The following SH2B3 variants were observed in gnomAD, a reference collection of about 807,000 sequenced individuals.
SH2B3 encodes the protein SH2B adapter protein 3.
SH2B3 carries 43 observed loss-of-function variants against 51.9 expected under a neutral mutation model. That is an observed-to-expected ratio of 0.83 (90% CI 0.65 to 1.07). The LOEUF is 1.07. Ranked by LOEUF, SH2B3 falls within the 50% of genes least tolerant of loss-of-function variation. The pLI is 0.00. For missense variants in SH2B3, 952 were observed against 834.3 expected, an observed-to-expected ratio of 1.14 and a Z score of -1.74; for synonymous variants, 396 against 376.0, an observed-to-expected ratio of 1.05 and a Z score of -0.62.
In SH2B3 at chr12:111,409,911, C is replaced by T. The variant is rs1037960726; in HGVS notation, c.-28+3634C>T. On this transcript the variant is annotated intron_variant, in intron 1 of 7. Transcript: ENST00000341259. The surrounding 1 kb of genome is among the most constrained non-coding windows in gnomAD (Gnocchi z 4.0). Reference sequence around the variant, plus strand: ...GGTGCCCCCCCACTCCCCGCCCCAGCCGGAAACCCGGCAGCTGAGCAGTTA... The same window carrying T: ...GGTGCCCCCCCACTCCCCGCCCCAGTCGGAAACCCGGCAGCTGAGCAGTTA... Among the ~76,000 whole-genome samples, 2 of 152,230 alleles carry T rather than the reference C, an allele frequency of 1.3e-5. No homozygotes were observed. The highest frequency in any genetic ancestry group is 1.3e-4 in the Admixed American group (2 of 15,288).
At position 111,447,803 on chromosome 12, in the gene SH2B3, G is replaced by A. The variant is rs577495609; in HGVS notation, c.1384G>A (p.Val462Met). The A allele has an allele frequency of 5.6e-6, 9 of 1,614,050 alleles. No individual in the cohort carries two copies. Among genetic ancestry groups the A allele is most frequent in the African/African-American group, 4.0e-5 (3 of 75,052 alleles). Residue 462 changes from valine to methionine, a missense_variant, in exon 7 of 8, where the codon GTG becomes ATG. Transcript: ENST00000341259. ...AACDVRLSSY[V>M]VVVSQPPGSC... ...CTGTGATGTCCGGCTCTCCAGCTACGTGGTAGTCGTCTCCCAACCACCAGG... is the reference window on the plus strand; with the variant it reads ...CTGTGATGTCCGGCTCTCCAGCTACATGGTAGTCGTCTCCCAACCACCAGG...
intron 2 of SH2B3, among the ~76,000 whole-genome samples, chr12:111,422,630 G>A (rs111934672): frequency 4.0e-5 from 6 of 150,736 alleles, no homozygotes; most frequent in African/African-American, 7.3e-5. Flanking sequence ...GCGCAATCTC[G>A]GCTCACTGCA....
chr12:111,426,348 A>C (rs1203167894), intron 2 of SH2B3, among the ~76,000 whole-genome samples: 2 of 150,558 alleles, frequency 1.3e-5, no homozygotes, highest in African/African-American at 4.9e-5. Context: ...TCTATGACCC[A>C]CCTTGAGGAA....
chr12:111,428,819 C>T (rs1026007407), intron 2 of SH2B3, among the ~76,000 whole-genome samples: 4 of 152,104 alleles, frequency 2.6e-5, no homozygotes, highest in African/African-American at 9.7e-5. Context: ...GTGATTCTTC[C>T]AGGTGGCACC....
At chr12:111,423,707 G>A (rs1344028038) in intron 2 of SH2B3, among the ~76,000 whole-genome samples, 12 of 152,206 alleles carry the variant, frequency 7.9e-5, no homozygotes, top group Admixed American at 7.8e-4. Context: ...CAGTGGCTGG[G>A]CGCAGTGGCT....
Position 111,435,757 on chromosome 12 carries a change from T to C in SH2B3, c.733-10996T>C, listed in dbSNP as rs1038288011. ...TGGCACTCGTGGTTTGGGGCGTCCA[T>C]GGCCTTGTGGTGGCGAGGCGCAGAA... On this transcript the variant is annotated intron_variant, in intron 2 of 7. Coordinates refer to ENST00000341259, the MANE Select transcript of SH2B3 (RefSeq NM_005475.3). The surrounding 1 kb of genome is among the most constrained non-coding windows in gnomAD (Gnocchi z 4.8). 2.0e-5 allele frequency among the ~76,000 whole-genome samples: 3 copies of C among 152,156 alleles called. No homozygotes were observed. The highest frequency in any genetic ancestry group is 7.2e-5 in the African/African-American group (3 of 41,426).
intron 1 of SH2B3, among the ~76,000 whole-genome samples, chr12:111,408,589 C>G (rs1212425897): frequency 6.6e-6 from 1 of 152,194 alleles, no homozygotes; most frequent in Non-Finnish European, 1.5e-5. Flanking sequence ...GAGGGACCTC[C>G]TCGCTGCCAG....
At chr12:111,417,859 C>T (rs1030692810) in intron 1 of SH2B3, among the ~76,000 whole-genome samples, 1 of 152,176 alleles carries the variant, frequency 6.6e-6, no homozygotes, top group African/African-American at 2.4e-5. Context: ...CAAATACTCT[C>T]TCTGCATCTA....
intron 2 of SH2B3, among the ~76,000 whole-genome samples, chr12:111,423,392 C>A (rs909457640): frequency 1.2e-4 from 18 of 151,924 alleles, no homozygotes; most frequent in African/African-American, 4.4e-4. Flanking sequence ...TTTTTTGAGA[C>A]AGAGTCTTGC....
rs1416111480 is a variant in SH2B3, at chr12:111,451,446, A to G, written c.*3144A>G. ...GACATCCTGTGTTTGGTTAGAATAT[A>G]CAGCACATTGTGATAACATAAAGTG... On this transcript the variant is annotated 3_prime_UTR_variant, in exon 8 of 8. Coordinates refer to ENST00000341259, the MANE Select transcript of SH2B3 (RefSeq NM_005475.3). 6.5e-6 allele frequency: 1 copy of G among 152,696 alleles called. No individual in the cohort carries two copies. Among genetic ancestry groups the G allele is most frequent in the Non-Finnish European group, 1.5e-5 (1 of 68,052 alleles). 9.5% of individuals were successfully genotyped at this position (152,696 alleles called of 1,614,324 possible). A position where few individuals can be genotyped will look rare whatever the true frequency, so the allele number is the denominator to read the frequency against.
chr12:111,436,424 A>G (rs1482459660), intron 2 of SH2B3, among the ~76,000 whole-genome samples: 1 of 152,064 alleles, frequency 6.6e-6, no homozygotes, highest in Non-Finnish European at 1.5e-5. Context: ...CTCATAAGCC[A>G]CTGTCCCCAG....
chr12:111,418,617 C>G lies in SH2B3; in HGVS notation c.472C>G (p.His158Asp). 1 of 1,481,540 alleles carries G rather than the reference C, an allele frequency of 6.7e-7. No individual in the cohort carries two copies. The highest frequency in any genetic ancestry group is 2.9e-5 in the East Asian group (1 of 34,590). The allele number at this position is 1,481,540 out of a possible 1,614,324, so 91.8% of individuals were successfully genotyped here. A position where few individuals can be genotyped will look rare whatever the true frequency, so the allele number is the denominator to read the frequency against. ...RRSAGELPAA[H>D]TAAAPGTPGE... Reference sequence around the variant, plus strand: ...CTCGGCCGGGGAGCTGCCAGCGGCCCACACCGCTGCCGCCCCCGGGACCCC... The same window carrying G: ...CTCGGCCGGGGAGCTGCCAGCGGCCGACACCGCTGCCGCCCCCGGGACCCC... Residue 158 changes from histidine to aspartate, a missense_variant, in exon 2 of 8, where the codon CAC (histidine) becomes GAC (aspartate). By Grantham distance (81) the His-to-Asp change is moderately conservative. Transcript: ENST00000341259. The surrounding 1 kb of genome is among the most constrained non-coding windows in gnomAD (Gnocchi z 6.7).
intron 1 of SH2B3, among the ~76,000 whole-genome samples, chr12:111,416,145 T>G (rs564938521): frequency 1.1e-4 from 16 of 152,100 alleles, no homozygotes; most frequent in African/African-American, 3.9e-4. Context: ...GGTTTCACCG[T>G]GTTAGCCAGG....
At chr12:111,426,341 A>G (rs1374501064) in intron 2 of SH2B3, among the ~76,000 whole-genome samples, 2 of 150,632 alleles carry the variant, frequency 1.3e-5, no homozygotes, top group Admixed American at 6.6e-5. Context: ...TCTAGATTCT[A>G]TGACCCACCT....
chr12:111,440,340 T>C (rs1468039987), intron 2 of SH2B3, among the ~76,000 whole-genome samples: 1 of 152,266 alleles, frequency 6.6e-6, no homozygotes, highest in Non-Finnish European at 1.5e-5. Context: ...TAAATCTCAC[T>C]GTCCATGATG....
In SH2B3 at chr12:111,429,042, G is replaced by C. The variant is rs1158910742; in HGVS notation, c.732+10165G>C. On this transcript the variant is annotated intron_variant, in intron 2 of 7. Transcript: ENST00000341259. This position sits in a 1 kb window ranked among gnomAD's most constrained non-coding sequence, Gnocchi z 4.4. Reference sequence around the variant, plus strand: ...AGGAGGAGGAGGAGGAGGAGGAGGAGGAGGAAGAGGAGGAGGAGGAGGAGG... The same window carrying C: ...AGGAGGAGGAGGAGGAGGAGGAGGACGAGGAAGAGGAGGAGGAGGAGGAGG... Among the ~76,000 whole-genome samples the C allele has an allele frequency of 6.8e-6, 1 of 147,860 alleles. No homozygotes were observed. The highest frequency in any genetic ancestry group is 1.5e-5 in the Non-Finnish European group (1 of 66,210).
In SH2B3 at chr12:111,409,085, C is replaced by T. The variant is rs1870475030; in HGVS notation, c.-28+2808C>T. Among the ~76,000 whole-genome samples the T allele has an allele frequency of 6.6e-6, 1 of 152,164 alleles. No homozygotes were observed. Among genetic ancestry groups the T allele is most frequent in the Admixed American group, 6.5e-5 (1 of 15,268 alleles). On this transcript the variant is annotated intron_variant, in intron 1 of 7. Transcript: ENST00000341259. This position sits in a 1 kb window ranked among gnomAD's most constrained non-coding sequence, Gnocchi z 4.0. ...GTGAGGTCCTAGGCAGGTTACCTGG[C>T]TTCTCTGATCTGGACCTCGCCTGCC... is the stretch of plus-strand genomic sequence containing the variant.
intron 2 of SH2B3, among the ~76,000 whole-genome samples, chr12:111,431,524 A>G (rs937426021): frequency 1.3e-5 from 2 of 151,462 alleles, no homozygotes; most frequent in Admixed American, 6.6e-5. Flanking sequence ...AACCTCCCAC[A>G]ATCTCACTAC....
chr12:111,441,754 A>G (rs955662488), intron 2 of SH2B3, among the ~76,000 whole-genome samples: 2 of 152,164 alleles, frequency 1.3e-5, no homozygotes, highest in Non-Finnish European at 2.9e-5. Context: ...AATGGAGCTA[A>G]GCAGCAGCAT....
Sources: gnomAD v4.1 joint callset for allele counts (sites outside exome capture counted in the v4.1 genomes callset) on GRCh38, gnomAD v4.1.1 for gene constraint, Gnocchi (gnomAD v3.1) non-coding constraint, MANE v1.5 for transcripts, NCBI Gene and HGNC (gene_info 2026-07-23, HGNC 2026-07-21) for gene names.